Variants in ERBB4 observed in about 807,000 individuals in gnomAD.
ERBB4 encodes erb-b2 receptor tyrosine kinase 4.
In ERBB4, 42 loss-of-function variants were observed where a neutral mutation model predicts 158.0. The observed-to-expected ratio is 0.27, with a 90% CI of 0.21 to 0.34. ERBB4 has a LOEUF of 0.34. Ranked by LOEUF, ERBB4 falls within the 10% of genes least tolerant of loss-of-function variation. The pLI is 1.00. For synonymous variants in ERBB4, 583 were observed against 558.7 expected, an observed-to-expected ratio of 1.04 and a Z score of -0.61; for missense variants, 1,333 against 1,624.1, an observed-to-expected ratio of 0.82 and a Z score of 3.08.
At chr2:212,495,025 T>C (rs1208740427) in intron 1 of ERBB4, among the ~76,000 whole-genome samples, 1 of 152,158 alleles carries the variant, frequency 6.6e-6, no homozygotes, top group Non-Finnish European at 1.5e-5. Context: ...TTTCTGAAAC[T>C]TACATTGAAA....
intron 2 of ERBB4, among the ~76,000 whole-genome samples, chr2:212,093,750 C>A (rs560720318): frequency 1.3e-5 from 2 of 152,124 alleles, no homozygotes; most frequent in South Asian, 2.1e-4. Context: ...AGTCAGTAAA[C>A]ACATTATAAA....
At position 211,725,162 on chromosome 2, in the gene ERBB4, C is replaced by T. The variant is rs757597004; in HGVS notation, c.655G>A (p.Gly219Ser). 3.7e-6 allele frequency: 6 copies of T among 1,613,818 alleles called. No homozygotes were observed. The highest frequency in any genetic ancestry group is 3.3e-5 in the Admixed American group (2 of 59,994). The change falls in exon 6 of 28, where the codon GGC (glycine) becomes AGC (serine). Residue 219 changes from glycine to serine, a missense_variant. Transcript: ENST00000342788. ...TRTVCAEQCD[G>S]RCYGPYVSDC... ...CTGACGTAAGGTCCGTAGCATCTGC[C>T]GTCACATTGTTCTGCACACACCGTC...
intron 20 of ERBB4, among the ~76,000 whole-genome samples, chr2:211,453,066 G>A (rs1179114419): frequency 3.3e-5 from 5 of 152,124 alleles, no homozygotes; most frequent in Admixed American, 6.5e-5. Context: ...CAGATTGCAA[G>A]GAGAAAATTC....
At chr2:212,080,171 G>T (rs1011194061) in intron 2 of ERBB4, among the ~76,000 whole-genome samples, 3 of 151,728 alleles carry the variant, frequency 2.0e-5, no homozygotes, top group African/African-American at 7.3e-5. Flanking sequence ...AATTAGCAGG[G>T]TGTGGTGGTG....
In ERBB4 at chr2:211,658,481, A is replaced by C. The variant is rs180946615; in HGVS notation, c.1872-653T>G. 1.4e-3 allele frequency among the ~76,000 whole-genome samples: 211 copies of C among 152,306 alleles called. 1 individual carries two copies. Among genetic ancestry groups the C allele is most frequent in the African/African-American group, 4.8e-3 (201 of 41,588 alleles). ...TGATTTTGGCAGAAAATGAGTCAAC[A>C]TGCTTTAATGCTATTCTCATGGATA... On this transcript the variant is annotated intron_variant, in intron 15 of 27. Coordinates refer to ENST00000342788, the MANE Select transcript of ERBB4 (RefSeq NM_005235.3).
intron 1 of ERBB4, among the ~76,000 whole-genome samples, chr2:212,514,657 T>C (rs1691724178): frequency 6.6e-6 from 1 of 151,916 alleles, no homozygotes; most frequent in African/African-American, 2.4e-5. Flanking sequence ...ATACAAAAAT[T>C]AACTGGGCAT....
intron 20 of ERBB4, among the ~76,000 whole-genome samples, chr2:211,530,438 G>A (rs1164504090): frequency 6.6e-6 from 1 of 152,012 alleles, no homozygotes; most frequent in African/African-American, 2.4e-5. Flanking sequence ...GCAACCTACA[G>A]ATTCAATGCA....
intron 1 of ERBB4, among the ~76,000 whole-genome samples, chr2:212,251,197 A>G (rs1413794380): frequency 1.3e-5 from 2 of 152,038 alleles, no homozygotes; most frequent in African/African-American, 2.4e-5. Flanking sequence ...AGGAAGAATT[A>G]TATATACAGT....
intron 3 of ERBB4, among the ~76,000 whole-genome samples, chr2:211,879,933 C>G (rs1346168795): frequency 6.6e-6 from 1 of 150,650 alleles, no homozygotes; most frequent in Non-Finnish European, 1.5e-5. Flanking sequence ...GTCTGCATTC[C>G]AGAAGTATGA....
intron 3 of ERBB4, among the ~76,000 whole-genome samples, chr2:211,850,426 T>A (rs939787600): frequency 6.6e-6 from 1 of 151,788 alleles, no homozygotes; most frequent in African/African-American, 2.4e-5. Flanking sequence ...TATGTATACA[T>A]ATATAGGGTT....
chr2:212,357,955 G>C (rs142566084), intron 1 of ERBB4, among the ~76,000 whole-genome samples: 43 of 151,870 alleles, frequency 2.8e-4, no homozygotes, highest in African/African-American at 9.9e-4. Flanking sequence ...GATTACTTTT[G>C]AACATCGTGT....
chr2:212,070,706 G>A (rs2078088308), intron 2 of ERBB4, among the ~76,000 whole-genome samples: 1 of 142,694 alleles, frequency 7.0e-6, no homozygotes, highest in African/African-American at 2.5e-5. Flanking sequence ...GTGGATCAAA[G>A]ACATAAATAT....
intron 2 of ERBB4, among the ~76,000 whole-genome samples, chr2:211,995,529 G>A (rs1382453356): frequency 1.3e-5 from 2 of 152,128 alleles, no homozygotes; most frequent in South Asian, 2.1e-4. Context: ...CTCAGCCTCC[G>A]AAAGTGCTGG....
At chr2:212,226,591 T>G (rs375679638) in intron 1 of ERBB4, among the ~76,000 whole-genome samples, 1 of 152,196 alleles carries the variant, frequency 6.6e-6, no homozygotes, top group Admixed American at 6.5e-5. Flanking sequence ...CAATCACTGA[T>G]AAACTTGTTA....
intron 20 of ERBB4, among the ~76,000 whole-genome samples, chr2:211,514,229 T>C (rs1380613998): frequency 2.0e-5 from 3 of 152,130 alleles, no homozygotes; most frequent in Non-Finnish European, 4.4e-5. Flanking sequence ...GAGCGAACAC[T>C]AACAGCTAAG....
rs532924364 is a variant in ERBB4 at position 211,940,104 on chromosome 2, G to A, written c.421+7326C>T. 3.9e-5 allele frequency among the ~76,000 whole-genome samples: 6 copies of A among 152,140 alleles called. No individual in the cohort carries two copies. The South Asian group carries it at 1.0e-3, about 26-fold the overall frequency. Reference sequence around the variant, plus strand: ...AAAGTGCAACAATCCAGTGATTCTAGCCCCAGCATTGTTGTGCCTCCCTTG... The same window carrying A: ...AAAGTGCAACAATCCAGTGATTCTAACCCCAGCATTGTTGTGCCTCCCTTG... On this transcript the variant is annotated intron_variant, in intron 3 of 27. Transcript: ENST00000342788.
intron 4 of ERBB4, among the ~76,000 whole-genome samples, chr2:211,766,798 A>C (rs1337690159): frequency 6.6e-6 from 1 of 152,204 alleles, no homozygotes; most frequent in African/African-American, 2.4e-5. Context: ...CAAAAGGATC[A>C]AAGGCTACTC....
intron 6 of ERBB4, among the ~76,000 whole-genome samples, chr2:211,724,854 C>T (rs1015716092): frequency 2.6e-5 from 4 of 152,074 alleles, no homozygotes; most frequent in African/African-American, 7.3e-5. Context: ...TCATTTGTAA[C>T]ATAAATTATA....
intron 25 of ERBB4, among the ~76,000 whole-genome samples, chr2:211,412,084 T>C (rs1446723471): frequency 6.6e-6 from 1 of 150,696 alleles, no homozygotes; most frequent in East Asian, 2.0e-4. Flanking sequence ...AGAGCTGTTT[T>C]TCAGGAAGGC....
Sources: gnomAD v4.1 joint callset for allele counts (sites outside exome capture counted in the v4.1 genomes callset) on GRCh38, gnomAD v4.1.1 for gene constraint, MANE v1.5 for transcripts, NCBI Gene and HGNC (gene_info 2026-07-23, HGNC 2026-07-21) for gene names.